Variants in AFF3 observed in about 807,000 individuals in gnomAD.
The protein encoded by AFF3 is ALF transcription elongation factor 3, also known as AF4/FMR2 family member 3.
AFF3 carries 32 observed loss-of-function variants against 129.7 expected under a neutral mutation model. That is an observed-to-expected ratio of 0.25 (90% CI 0.19 to 0.33). AFF3 has a LOEUF of 0.33. Among genes scored for constraint, AFF3 ranks in the 10% least tolerant of loss-of-function variants. AFF3 has a pLI of 1.00. For synonymous variants in AFF3, 644 were observed against 635.4 expected (o/e 1.01, Z -0.20); for missense variants, 1,373 against 1,592.0 (o/e 0.86, Z 2.34).
chr2:100,013,049 T>C (rs952075372), intron 4 of AFF3, among the ~76,000 whole-genome samples: 19 of 152,194 alleles, frequency 1.2e-4, no homozygotes, highest in African/African-American at 3.4e-4. Flanking sequence ...AAAATAAACC[T>C]TTTTAATCAA....
intron 13 of AFF3, among the ~76,000 whole-genome samples, chr2:99,611,129 G>C (rs1168410554): frequency 6.6e-6 from 1 of 152,042 alleles, no homozygotes; most frequent in African/African-American, 2.4e-5. Flanking sequence ...GAATTTTTCA[G>C]TTATAAAATT....
At position 99,946,473 on chromosome 2, in the gene AFF3, T is replaced by TAAAAAAAAAAAAAAAAA. The variant is rs55672296; in HGVS notation, c.873+60142_873+60158dup. ...TGGTTGACAGAGTGAGACGCCATCT[T>TAAAAAAAAAAAAAAAAA]AAAAAAAAAAAAAAAAAAAAAAAAA... On this transcript the variant is annotated intron_variant, in intron 7 of 24. Coordinates refer to ENST00000672756, the MANE Select transcript of AFF3 (RefSeq NM_001386135.1). Among the ~76,000 whole-genome samples the TAAAAAAAAAAAAAAAAA allele has an allele frequency of 2.0e-4, 10 of 50,488 alleles. 1 individual carries two copies. Among genetic ancestry groups the TAAAAAAAAAAAAAAAAA allele is most frequent in the African/African-American group, 7.2e-4 (8 of 11,186 alleles). The allele number at this position is 50,488 out of a possible 152,430, so 33.1% of individuals were successfully genotyped here. A position where few individuals can be genotyped will look rare whatever the true frequency, so the allele number is the denominator to read the frequency against.
intron 3 of AFF3, chr2:100,104,825 G>GCCGCCGA: frequency 2.2e-6 from 1 of 453,728 alleles, no homozygotes; most frequent in Non-Finnish European, 2.7e-6. Context: ...CCGCCGCCGC[G>GCCGCCGA]GTGCTCTGCG....
intron 7 of AFF3, among the ~76,000 whole-genome samples, chr2:99,846,553 A>G (rs1237443636): frequency 2.0e-5 from 3 of 152,254 alleles, no homozygotes; most frequent in Non-Finnish European, 4.4e-5. Flanking sequence ...TTCTAATCAT[A>G]AAATTCTGAA....
intron 7 of AFF3, among the ~76,000 whole-genome samples, chr2:99,999,692 C>T (rs562308884): frequency 5.2e-4 from 79 of 152,242 alleles, no homozygotes; most frequent in African/African-American, 1.8e-3. Context: ...TGCCAGCCAC[C>T]GTGCTAAGCA....
intron 7 of AFF3, among the ~76,000 whole-genome samples, chr2:99,905,248 G>C (rs1330853101): frequency 2.6e-5 from 4 of 152,188 alleles, no homozygotes; most frequent in African/African-American, 9.6e-5. Flanking sequence ...CGTCTTCACA[G>C]AGTTGCCCTG....
intron 8 of AFF3, among the ~76,000 whole-genome samples, chr2:99,801,620 C>T (rs1685951931): frequency 6.6e-6 from 1 of 152,174 alleles, no homozygotes; most frequent in East Asian, 1.9e-4. Flanking sequence ...CCATTTCCTT[C>T]GGGACAATCT....
chr2:99,686,800 A>G (rs2104609822), intron 11 of AFF3, among the ~76,000 whole-genome samples: 1 of 152,324 alleles, frequency 6.6e-6, no homozygotes, highest in African/African-American at 2.4e-5. Context: ...GCCTGATGGA[A>G]GCAGAGATGA....
intron 4 of AFF3, among the ~76,000 whole-genome samples, chr2:100,055,268 C>T (rs1686670048): frequency 6.6e-6 from 1 of 151,912 alleles, no homozygotes; most frequent in Non-Finnish European, 1.5e-5. Flanking sequence ...TTTTGCAGTT[C>T]TTACCCTGTC....
chr2:100,076,328 G>A (rs1688587736), intron 4 of AFF3, among the ~76,000 whole-genome samples: 1 of 152,186 alleles, frequency 6.6e-6, no homozygotes, highest in South Asian at 2.1e-4. Context: ...TCTAAAGACA[G>A]TCAGTATCAC....
At chr2:99,713,860 G>A (rs920484540) in intron 11 of AFF3, among the ~76,000 whole-genome samples, 4 of 151,448 alleles carry the variant, frequency 2.6e-5, no homozygotes, top group African/African-American at 4.9e-5. Context: ...TACCATGCCC[G>A]GCTAATTTTC....
intron 1 of AFF3, among the ~76,000 whole-genome samples, chr2:100,130,601 A>G (rs566873993): frequency 6.6e-6 from 1 of 152,348 alleles, no homozygotes; most frequent in African/African-American, 2.4e-5. Flanking sequence ...AAGTAATAAA[A>G]GCCCCTGGGC....
At chr2:99,746,805 C>T (rs945868657) in intron 9 of AFF3, among the ~76,000 whole-genome samples, 3 of 152,014 alleles carry the variant, frequency 2.0e-5, no homozygotes, top group Admixed American at 2.0e-4. Flanking sequence ...TTAACTTTGG[C>T]ACGTGAAAAT....
At chr2:99,849,301 T>C (rs1194948948) in intron 7 of AFF3, among the ~76,000 whole-genome samples, 1 of 151,994 alleles carries the variant, frequency 6.6e-6, no homozygotes, top group East Asian at 1.9e-4. Flanking sequence ...ACAGAACAAC[T>C]CTCTAAAAGA....
intron 13 of AFF3, among the ~76,000 whole-genome samples, chr2:99,636,992 T>C (rs901511001): frequency 3.3e-5 from 5 of 151,874 alleles, no homozygotes; most frequent in Non-Finnish European, 7.4e-5. Context: ...GGTGGTGTGC[T>C]CCAGCTGGCT....
intron 8 of AFF3, among the ~76,000 whole-genome samples, chr2:99,773,799 G>T (rs551864373): frequency 1.3e-5 from 2 of 152,324 alleles, no homozygotes; most frequent in South Asian, 2.1e-4. Context: ...ATCTTTGTTT[G>T]CAGATGACAT....
intron 10 of AFF3, among the ~76,000 whole-genome samples, chr2:99,741,174 T>G (rs1439369560): frequency 1.3e-5 from 2 of 152,176 alleles, no homozygotes; most frequent in African/African-American, 4.8e-5. Context: ...AGGGATGCCC[T>G]CTCTCATCAC....
At chr2:99,958,782 G>C (rs1465107935) in intron 7 of AFF3, among the ~76,000 whole-genome samples, 3 of 152,000 alleles carry the variant, frequency 2.0e-5, no homozygotes, top group Non-Finnish European at 4.4e-5. Flanking sequence ...TAGGATTTTG[G>C]GAGCCAGAGG....
At chr2:99,868,402 T>G (rs1450516363) in intron 7 of AFF3, among the ~76,000 whole-genome samples, 4 of 152,028 alleles carry the variant, frequency 2.6e-5, no homozygotes, top group Non-Finnish European at 4.4e-5. Context: ...AAATCCAACA[T>G]CAGGCCGGGA....
Sources: allele counts gnomAD v4.1 joint callset (sites outside exome capture counted in the v4.1 genomes callset), GRCh38; gene constraint gnomAD v4.1.1; transcripts MANE v1.5; gene names NCBI Gene and HGNC (gene_info 2026-07-23, HGNC 2026-07-21).